Variants in CD244 observed in about 807,000 individuals in gnomAD.
The protein encoded by CD244 is natural killer cell receptor 2B4.
CD244 carries 20 observed loss-of-function variants against 45.5 expected under a neutral mutation model. The ratio of observed to expected loss-of-function variants is 0.44; its 90% CI spans 0.31 to 0.64. The LOEUF (loss-of-function observed/expected upper bound fraction) is 0.64. Ranked by LOEUF, CD244 falls within the 30% of genes least tolerant of loss-of-function variation. The probability of loss-of-function intolerance (pLI) is 0.08; values close to 1 mark genes in which losing one functional copy is unlikely to be tolerated. For missense variants in CD244, 407 were observed against 426.9 expected (o/e 0.95, Z 0.41); for synonymous variants, 185 against 160.5 (o/e 1.15, Z -1.15).
chr1:160,843,966 G>A (rs1025260526), intron 1 of CD244, among the ~76,000 whole-genome samples: 4 of 152,224 alleles, frequency 2.6e-5, no homozygotes, highest in Non-Finnish European at 4.4e-5. Context: ...AAATCCATCA[G>A]TGTTGAGGTT....
intron 6 of CD244, 132 bp downstream of exon 6, chr1:160,836,063 T>A (rs1218986657): frequency 2.8e-6 from 2 of 713,364 alleles, no homozygotes; most frequent in Non-Finnish European, 2.5e-6. Context: ...TTAATGCAAC[T>A]GAAGCCAAGC....
intron 8 of CD244, 39 bp downstream of exon 8, chr1:160,832,480 A>C: frequency 7.8e-7 from 1 of 1,282,030 alleles, no homozygotes; most frequent in Non-Finnish European, 1.1e-6. Context: ...AGGGCTATGC[A>C]ACAGACAGTA....
At chr1:160,849,283 C>CTTTTTTTTTTTTTTTTTTTTT (rs371170555) in intron 1 of CD244, among the ~76,000 whole-genome samples, 1 of 139,328 alleles carries the variant, frequency 7.2e-6, no homozygotes, top group African/African-American at 2.6e-5. Context: ...CCATCTCTTT[C>CTTTTTTTTTTTTTTTTTTTTT]TTTTTTTTTT....
chr1:160,843,718 C>T (rs1669628046), intron 1 of CD244, among the ~76,000 whole-genome samples: 1 of 152,218 alleles, frequency 6.6e-6, no homozygotes, highest in Admixed American at 6.5e-5. Flanking sequence ...TGTAAAAGCA[C>T]ATTGTTAAAG....
intron 1 of CD244, among the ~76,000 whole-genome samples, chr1:160,849,677 G>A (rs2101885014): frequency 6.6e-6 from 1 of 152,242 alleles, no homozygotes; most frequent in Non-Finnish European, 1.5e-5. Flanking sequence ...TGTACTGGAG[G>A]TCATGGCTAG....
intron 3 of CD244, 105 bp from the exon 4 acceptor site, chr1:160,839,154 TG>T (rs1669446451): frequency 1.4e-6 from 1 of 719,094 alleles, no homozygotes; most frequent in East Asian, 2.7e-5. Flanking sequence ...TTCTCTGTGT[TG>T]TGGCTGATTG....
chr1:160,846,977 A>G (rs1669761022), intron 1 of CD244, among the ~76,000 whole-genome samples: 1 of 152,174 alleles, frequency 6.6e-6, no homozygotes. Flanking sequence ...TGAGAAAATA[A>G]CAAAATGTAC....
chr1:160,862,644 G>C lies in CD244; in HGVS notation c.34C>G (p.Leu12Val). The C allele has an allele frequency of 6.2e-7, 1 of 1,614,126 alleles. No homozygotes were observed. Among genetic ancestry groups the C allele is most frequent in the Non-Finnish European group, 8.5e-7 (1 of 1,179,964 alleles). The stretch of plus-strand genomic sequence containing the variant: ...TTGCCCTGATACACCTTGAGGAGCA[G>C]GAGGAGTATGAGGGTGACCACTTGC... Reference protein sequence around the residue: ...LGQVVTLILLLLLKVYQGKGC... With the variant: ...LGQVVTLILLVLLKVYQGKGC... Residue 12 changes from leucine (L) to valine (V), a missense_variant, in exon 1 of 9, where the codon CTG (leucine) becomes GTG (valine). Coordinates refer to ENST00000368034, the MANE Select transcript of CD244 (RefSeq NM_016382.4).
intron 5 of CD244, among the ~76,000 whole-genome samples, chr1:160,836,608 A>G (rs1480945147): frequency 6.6e-6 from 1 of 152,132 alleles, no homozygotes; most frequent in Non-Finnish European, 1.5e-5. Context: ...TGAAATTCAG[A>G]AAGTTTAAAC....
At chr1:160,860,824 A>G (rs1413844600) in intron 1 of CD244, among the ~76,000 whole-genome samples, 3 of 152,272 alleles carry the variant, frequency 2.0e-5, no homozygotes, top group East Asian at 1.9e-4. Context: ...AAGCTTAAAA[A>G]TTAAAGAAAT....
chr1:160,850,375 T>C (rs1384185137), intron 1 of CD244, among the ~76,000 whole-genome samples: 1 of 152,170 alleles, frequency 6.6e-6, no homozygotes, highest in East Asian at 1.9e-4. Flanking sequence ...AGACTTAATA[T>C]TGCTAAGATG....
At position 160,862,656 on chromosome 1, in the gene CD244, G is replaced by A. The variant is rs767166829; in HGVS notation, c.22C>T (p.Leu8Phe). The change falls in exon 1 of 9, where the codon CTC becomes TTC. Residue 8 changes from leucine (L) to phenylalanine (F), a missense_variant. Transcript: ENST00000368034. ...ACCTTGAGGAGCAGGAGGAGTATGAGGGTGACCACTTGCCCCAGCATTTCC... is the reference window on the plus strand; with the variant it reads ...ACCTTGAGGAGCAGGAGGAGTATGAAGGTGACCACTTGCCCCAGCATTTCC... The part of the protein sequence containing the change: MLGQVVT[L>F]ILLLLLKVYQ... 4.3e-6 allele frequency: 7 copies of A among 1,614,090 alleles called. No homozygotes were observed. The highest frequency in any genetic ancestry group is 5.9e-6 in the Non-Finnish European group (7 of 1,179,962).
chr1:160,832,710 A>G, intron 7 of CD244, 135 bp from the exon 8 acceptor site: 2 of 1,527,166 alleles, frequency 1.3e-6, no homozygotes, highest in South Asian at 2.4e-5. Context: ...AATGAATAGA[A>G]TCTGTCACCC....
At chr1:160,851,417 T>C (rs1403557971) in intron 1 of CD244, among the ~76,000 whole-genome samples, 1 of 152,150 alleles carries the variant, frequency 6.6e-6, no homozygotes, top group Non-Finnish European at 1.5e-5. Context: ...ACCAAATATA[T>C]ATTTCACAAT....
intron 5 of CD244, among the ~76,000 whole-genome samples, chr1:160,837,588 G>A (rs963716736): frequency 5.9e-5 from 9 of 152,228 alleles, no homozygotes; most frequent in Non-Finnish European, 1.2e-4. Flanking sequence ...TGCTCTGCGA[G>A]GCTGCACAGG....
chr1:160,862,725 C>T lies in CD244; in HGVS notation c.-48G>A, dbSNP rs1377465302. On this transcript the variant is annotated 5_prime_UTR_variant, in exon 1 of 9. Coordinates refer to ENST00000368034, the MANE Select transcript of CD244 (RefSeq NM_016382.4). Reference sequence around the variant, plus strand: ...GCCAGCCCCTCCACCCCACCAGACTCTCTGCCGTGCACGGGCTCAGCAGTC... The same window carrying T: ...GCCAGCCCCTCCACCCCACCAGACTTTCTGCCGTGCACGGGCTCAGCAGTC... The T allele has an allele frequency of 6.3e-7, 1 of 1,576,834 alleles. No homozygotes were observed.
chr1:160,847,420 A>G (rs1669774462), intron 1 of CD244, among the ~76,000 whole-genome samples: 1 of 152,158 alleles, frequency 6.6e-6, no homozygotes, highest in Admixed American at 6.5e-5. Flanking sequence ...GTGCACATGC[A>G]ATAGTTACCA....
intron 6 of CD244, among the ~76,000 whole-genome samples, chr1:160,835,772 T>C (rs928514798): frequency 6.6e-6 from 1 of 152,224 alleles, no homozygotes; most frequent in Non-Finnish European, 1.5e-5. Context: ...ATGGACATTA[T>C]TGCTAAGTCA....
intron 1 of CD244, among the ~76,000 whole-genome samples, chr1:160,861,013 G>A (rs932925411): frequency 6.6e-6 from 1 of 152,224 alleles, no homozygotes; most frequent in Admixed American, 6.5e-5. Context: ...GGGAATGGGG[G>A]TGGAGGGAGC....
Sources: gnomAD v4.1 joint callset for allele counts (sites outside exome capture counted in the v4.1 genomes callset) on GRCh38, gnomAD v4.1.1 for gene constraint, MANE v1.5 for transcripts, NCBI Gene and HGNC (gene_info 2026-07-23, HGNC 2026-07-21) for gene names.